The following KLHL1 variants were observed in gnomAD, a reference collection of about 807,000 sequenced individuals.
KLHL1 encodes kelch like family member 1.
KLHL1 carries 47 observed loss-of-function variants against 77.7 expected under a neutral mutation model. The ratio of observed to expected loss-of-function variants is 0.60; its 90% confidence interval spans 0.48 to 0.77. The LOEUF is 0.77. Ranked by LOEUF, KLHL1 falls within the 30% of genes least tolerant of loss-of-function variation. KLHL1 has a pLI of 0.00. For missense variants in KLHL1, 925 were observed against 910.8 expected, an observed-to-expected ratio of 1.02 and a Z score of -0.20; for synonymous variants, 360 against 325.2, an observed-to-expected ratio of 1.11 and a Z score of -1.15.
chr13:69,790,671 C>CTACT (rs1555268740), intron 7 of KLHL1, among the ~76,000 whole-genome samples: 4 of 152,080 alleles, frequency 2.6e-5, no homozygotes, highest in African/African-American at 9.7e-5. Context: ...ATATACTCTA[C>CTACT]TAATTAATTG....
At chr13:69,779,713 C>T (rs1453294183) in intron 7 of KLHL1, among the ~76,000 whole-genome samples, 1 of 151,972 alleles carries the variant, frequency 6.6e-6, no homozygotes, top group Non-Finnish European at 1.5e-5. Flanking sequence ...ATTTTCTGTG[C>T]AGTCAATATT....
chr13:69,747,211 T>A (rs77437129), intron 7 of KLHL1, among the ~76,000 whole-genome samples: 1 of 152,078 alleles, frequency 6.6e-6, no homozygotes, highest in African/African-American at 2.4e-5. Context: ...CTTACTCAGA[T>A]AGCAGATACT....
In KLHL1 at chr13:70,102,969, A is replaced by G. The variant is rs956873035; in HGVS notation, c.497+4234T>C. On this transcript the variant is annotated intron_variant, in intron 1 of 10. Coordinates refer to ENST00000377844, the MANE Select transcript of KLHL1 (RefSeq NM_020866.3). ...CCTCTCCACTTGGAAATTCACTTACAGACAAACAAAATCAACACAGATATT... is the reference window on the plus strand; with the variant it reads ...CCTCTCCACTTGGAAATTCACTTACGGACAAACAAAATCAACACAGATATT... Among the ~76,000 whole-genome samples, 4 of 152,202 alleles carry G rather than the reference A, an allele frequency of 2.6e-5. No homozygotes were observed. The South Asian group carries it at 6.2e-4, about 24-fold the overall frequency.
At chr13:69,748,060 T>C (rs1436531147) in intron 7 of KLHL1, among the ~76,000 whole-genome samples, 1 of 151,988 alleles carries the variant, frequency 6.6e-6, no homozygotes, top group Non-Finnish European at 1.5e-5. Flanking sequence ...GGAGATACAA[T>C]AGAGCCTATA....
intron 6 of KLHL1, among the ~76,000 whole-genome samples, chr13:69,812,108 G>C (rs1877907408): frequency 6.6e-6 from 1 of 152,078 alleles, no homozygotes; most frequent in Admixed American, 6.5e-5. Context: ...TTGTGTCTTT[G>C]TTCTCGTTGG....
chr13:69,722,279 A>G (rs1216793252), intron 8 of KLHL1, among the ~76,000 whole-genome samples: 2 of 152,104 alleles, frequency 1.3e-5, no homozygotes, highest in Non-Finnish European at 1.5e-5. Context: ...TAATAATAAA[A>G]TAGTTCTAGG....
At chr13:69,972,311 A>C (rs2137286956) in intron 2 of KLHL1, among the ~76,000 whole-genome samples, 1 of 152,120 alleles carries the variant, frequency 6.6e-6, no homozygotes, top group South Asian at 2.1e-4. Context: ...ACATTAAAAT[A>C]ATAAATACTT....
intron 6 of KLHL1, among the ~76,000 whole-genome samples, chr13:69,833,770 T>TATATATATATATATATAC (rs1566304585): frequency 7.1e-6 from 1 of 140,740 alleles, no homozygotes; most frequent in African/African-American, 2.9e-5. Flanking sequence ...TATATATACA[T>TATATATATATATATATAC]ACATACATAC....
intron 1 of KLHL1, among the ~76,000 whole-genome samples, chr13:70,021,747 C>T (rs891869602): frequency 3.3e-5 from 5 of 151,992 alleles, no homozygotes; most frequent in Admixed American, 3.3e-4. Context: ...AAGTGAAGCA[C>T]CTTTTCATTT....
chr13:69,867,193 CTTATA>C (rs1420680420), intron 5 of KLHL1, among the ~76,000 whole-genome samples: 1 of 151,940 alleles, frequency 6.6e-6, no homozygotes, highest in Non-Finnish European at 1.5e-5. Context: ...ACATAGTTTT[CTTATA>C]TTATAAAGTA....
At chr13:69,976,203 AATTCTTG>A (rs1251709299) in intron 1 of KLHL1, among the ~76,000 whole-genome samples, 1 of 152,046 alleles carries the variant, frequency 6.6e-6, no homozygotes, top group Non-Finnish European at 1.5e-5. Flanking sequence ...TTCTAAATAG[AATTCTTG>A]AGATGTCATA....
intron 6 of KLHL1, among the ~76,000 whole-genome samples, chr13:69,803,952 G>A (rs1044178758): frequency 6.6e-6 from 1 of 152,176 alleles, no homozygotes; most frequent in African/African-American, 2.4e-5. Flanking sequence ...GTGATCTTGA[G>A]CAGAGAATTC....
At chr13:69,927,576 C>T (rs1815090282) in intron 4 of KLHL1, among the ~76,000 whole-genome samples, 1 of 151,980 alleles carries the variant, frequency 6.6e-6, no homozygotes, top group Admixed American at 6.6e-5. Flanking sequence ...TTTCAAAACT[C>T]AATTAAAAAT....
chr13:69,921,044 A>C (rs1882616132), intron 4 of KLHL1, among the ~76,000 whole-genome samples: 1 of 152,222 alleles, frequency 6.6e-6, no homozygotes, highest in African/African-American at 2.4e-5. Context: ...GTATGTTAAA[A>C]TGTAAATGTT....
intron 6 of KLHL1, among the ~76,000 whole-genome samples, chr13:69,805,478 A>G (rs1180329555): frequency 6.6e-6 from 1 of 151,928 alleles, no homozygotes; most frequent in Non-Finnish European, 1.5e-5. Flanking sequence ...ATAACTAAAA[A>G]TTTTTACCTT....
intron 2 of KLHL1, among the ~76,000 whole-genome samples, chr13:69,962,691 A>T (rs934306067): frequency 6.6e-6 from 1 of 151,968 alleles, no homozygotes; most frequent in Non-Finnish European, 1.5e-5. Flanking sequence ...AATGAAAAAA[A>T]TTATGATATT....
chr13:69,711,034 A>T (rs1195307106), intron 9 of KLHL1, among the ~76,000 whole-genome samples: 1 of 152,132 alleles, frequency 6.6e-6, no homozygotes, highest in East Asian at 1.9e-4. Context: ...CACAGAATAA[A>T]AGTTAATTTC....
At chr13:69,939,508 A>C (rs1474552859) in intron 4 of KLHL1, among the ~76,000 whole-genome samples, 1 of 151,828 alleles carries the variant, frequency 6.6e-6, no homozygotes, top group Admixed American at 6.6e-5. Flanking sequence ...GGTTTAAAAA[A>C]TGCAGAAAAA....
intron 4 of KLHL1, among the ~76,000 whole-genome samples, chr13:69,922,297 G>A (rs569217716): frequency 2.6e-5 from 4 of 151,994 alleles, no homozygotes; most frequent in Non-Finnish European, 5.9e-5. Context: ...GTACAGAGGA[G>A]GAAAAGATAA....
Sources: allele counts gnomAD v4.1 joint callset (sites outside exome capture counted in the v4.1 genomes callset), GRCh38; gene constraint gnomAD v4.1.1; transcripts MANE v1.5; gene names NCBI Gene and HGNC (gene_info 2026-07-23, HGNC 2026-07-21).